RBFOX1: variants seen among roughly 807,000 people sequenced by gnomAD.
RBFOX1 encodes RNA binding fox-1 homolog 1, also known as RNA binding protein fox-1 homolog 1.
In RBFOX1, 8 loss-of-function variants were observed where a neutral mutation model predicts 57.7. The ratio of observed to expected loss-of-function variants is 0.14; its 90% CI spans 0.08 to 0.25. The LOEUF is 0.25. Among genes scored for constraint, RBFOX1 ranks in the 10% least tolerant of loss-of-function variants. The pLI is 1.00. For missense variants in RBFOX1, 611 were observed against 548.5 expected (o/e 1.11, Z -1.14); for synonymous variants, 326 against 222.4 (o/e 1.47, Z -4.15).
At chr16:7,518,426 G>A (rs1405754799) in intron 5 of RBFOX1, 37 bp downstream of exon 5, 5 of 1,576,036 alleles carry the variant, frequency 3.2e-6, no homozygotes, top group Non-Finnish European at 4.3e-6. Flanking sequence ...GGAGGTTATG[G>A]GGAGGCGCCC....
intron 4 of RBFOX1, among the ~76,000 whole-genome samples, chr16:7,255,851 G>C (rs913814232): frequency 6.6e-6 from 1 of 152,068 alleles, no homozygotes; most frequent in African/African-American, 2.4e-5. Context: ...TCTCATTTCA[G>C]ATCAGTCACA....
intron 2 of RBFOX1, among the ~76,000 whole-genome samples, chr16:6,538,302 C>A (rs2096762956): frequency 6.6e-6 from 1 of 152,090 alleles, no homozygotes; most frequent in Non-Finnish European, 1.5e-5. Context: ...CCAGCCTGGG[C>A]AGCACAGGGA....
chr16:7,115,573 G>C (rs963787358), intron 4 of RBFOX1, among the ~76,000 whole-genome samples: 2 of 152,156 alleles, frequency 1.3e-5, no homozygotes, highest in African/African-American at 2.4e-5. Context: ...CTGGCTGTTA[G>C]CAGGCTGGAA....
intron 3 of RBFOX1, among the ~76,000 whole-genome samples, chr16:5,661,794 T>A (rs7403988): frequency 5.3e-5 from 8 of 152,150 alleles, no homozygotes; most frequent in East Asian, 1.9e-4. Context: ...AGCCTTTTTT[T>A]ATTTTTTTTG....
At chr16:6,431,900 T>C (rs11646655) in intron 2 of RBFOX1, among the ~76,000 whole-genome samples, 5 of 71,618 alleles carry the variant, frequency 7.0e-5, no homozygotes, top group Middle Eastern at 6.5e-3. Context: ...TTGCTTGCTT[T>C]CTTTCTTTCT....
At chr16:6,377,137 C>T (rs368971747) in intron 2 of RBFOX1, among the ~76,000 whole-genome samples, 45 of 151,700 alleles carry the variant, frequency 3.0e-4, no homozygotes, top group Admixed American at 4.6e-4. Context: ...TAGCTGAGCA[C>T]GGTGGCCTGT....
In RBFOX1 at chr16:5,458,438, G is replaced by C. The variant is rs529349341; in HGVS notation, c.220-8778G>C. Among the ~76,000 whole-genome samples, 3 of 152,260 alleles carry C rather than the reference G, an allele frequency of 2.0e-5. No individual in the cohort carries two copies. In the South Asian group the frequency reaches 6.2e-4, roughly 32 times the overall value. The stretch of plus-strand genomic sequence containing the variant: ...TTTGAGGAATGAGAAGAAATGAGAA[G>C]AAGTGGGAAGCTATATAATGTATTG... On this transcript the variant is annotated intron_variant, in intron 1 of 2. Transcript: ENST00000585867.
intron 3 of RBFOX1, among the ~76,000 whole-genome samples, chr16:6,664,265 T>C (rs1469393114): frequency 3.3e-5 from 5 of 152,170 alleles, no homozygotes; most frequent in Non-Finnish European, 7.3e-5. Flanking sequence ...CTATGCAAAT[T>C]CCCTAAAACT....
chr16:6,916,388 G>A (rs1477436230), intron 3 of RBFOX1, among the ~76,000 whole-genome samples: 1 of 152,100 alleles, frequency 6.6e-6, no homozygotes, highest in Non-Finnish European at 1.5e-5. Context: ...GGGTTTGGAT[G>A]TAGGTTTTCA....
chr16:7,645,565 G>T (rs142066508), intron 11 of RBFOX1, among the ~76,000 whole-genome samples: 1 of 152,326 alleles, frequency 6.6e-6, no homozygotes, highest in African/African-American at 2.4e-5. Flanking sequence ...AATGAGCAGA[G>T]ATTTATAGGA....
At chr16:7,219,697 C>T (rs965344320) in intron 4 of RBFOX1, among the ~76,000 whole-genome samples, 1 of 152,292 alleles carries the variant, frequency 6.6e-6, no homozygotes, top group East Asian at 1.9e-4. Flanking sequence ...GCTCTGAGTA[C>T]ACCCTGGAAA....
chr16:6,678,131 G>T (rs184661262), intron 3 of RBFOX1, among the ~76,000 whole-genome samples: 10 of 152,238 alleles, frequency 6.6e-5, no homozygotes, highest in South Asian at 6.2e-4. Flanking sequence ...TTGTTTTGTT[G>T]TGTTGTGTTT....
At chr16:5,802,624 C>G (rs562633031) in intron 3 of RBFOX1, among the ~76,000 whole-genome samples, 56 of 152,296 alleles carry the variant, frequency 3.7e-4, no homozygotes, top group Non-Finnish European at 6.6e-4. Context: ...ATGTGGCAAG[C>G]AGATGCTAAC....
intron 3 of RBFOX1, among the ~76,000 whole-genome samples, chr16:6,716,359 G>C (rs970738235): frequency 6.6e-6 from 1 of 152,114 alleles, no homozygotes; most frequent in East Asian, 1.9e-4. Context: ...CATCTTTGCT[G>C]TCTCTGAATA....
At chr16:5,702,385 C>T (rs13330904) in intron 3 of RBFOX1, among the ~76,000 whole-genome samples, 8,973 of 152,216 alleles carry the variant, frequency 0.059, 856 homozygotes, top group African/African-American at 0.2. Flanking sequence ...AAATTCACCC[C>T]CATGATGCAG....
intron 2 of RBFOX1, among the ~76,000 whole-genome samples, chr16:6,472,855 C>T (rs1597738745): frequency 6.6e-6 from 1 of 151,998 alleles, no homozygotes; most frequent in South Asian, 2.1e-4. Flanking sequence ...GAACTCCCAA[C>T]CTTATTTGAT....
intron 4 of RBFOX1, among the ~76,000 whole-genome samples, chr16:7,225,330 T>C (rs2093025774): frequency 6.6e-6 from 1 of 152,036 alleles, no homozygotes; most frequent in African/African-American, 2.4e-5. Flanking sequence ...ATGGGGGCTG[T>C]TTTCCCCATA....
chr16:5,830,696 T>A (rs1321566994), intron 3 of RBFOX1, among the ~76,000 whole-genome samples: 2 of 152,192 alleles, frequency 1.3e-5, no homozygotes, highest in Non-Finnish European at 2.9e-5. Context: ...CCTCTCTGCA[T>A]CACCACTGCC....
At chr16:5,829,362 G>T in intron 3 of RBFOX1, among the ~76,000 whole-genome samples, 1 of 152,322 alleles carries the variant, frequency 6.6e-6, no homozygotes, top group South Asian at 2.1e-4. Context: ...TGATGACTGC[G>T]AGGAGAATGG....
Sources: allele counts gnomAD v4.1 joint callset (sites outside exome capture counted in the v4.1 genomes callset), GRCh38; gene constraint gnomAD v4.1.1; transcripts MANE v1.5; gene names NCBI Gene and HGNC (gene_info 2026-07-23, HGNC 2026-07-21).